CRMP1: variants seen among roughly 807,000 people sequenced by gnomAD.
CRMP1 encodes the protein dihydropyrimidinase-related protein 1.
A neutral mutation model predicts 68.3 loss-of-function variants in CRMP1; 19 were observed. The observed-to-expected ratio is 0.28, with a 90% CI of 0.19 to 0.41. The LOEUF is 0.41. Among genes scored for constraint, CRMP1 ranks in the 10% least tolerant of loss-of-function variants. The probability of loss-of-function intolerance (pLI) is 1.00; values close to 1 mark genes in which losing one functional copy is unlikely to be tolerated. For synonymous variants in CRMP1, 439 were observed against 399.6 expected (o/e 1.10, Z -1.18); for missense variants, 791 against 967.4 (o/e 0.82, Z 2.42).
At position 5,879,972 on chromosome 4, in the gene CRMP1, A is replaced by G. The variant is rs1715123445; in HGVS notation, c.381+12617T>C. On this transcript the variant is annotated intron_variant, in intron 1 of 13. Coordinates refer to ENST00000324989, the MANE Select transcript of CRMP1 (RefSeq NM_001014809.3). This position sits in a 1 kb window ranked among gnomAD's most constrained non-coding sequence, Gnocchi z 4.2. The stretch of plus-strand genomic sequence containing the variant: ...AAGAATTGGAGTGGTTTTGGAAAAG[A>G]GAAGGTCCTAAGTAATGGAGAAACA... 6.6e-6 allele frequency among the ~76,000 whole-genome samples: 1 copy of G among 152,228 alleles called. No individual in the cohort carries two copies. Among genetic ancestry groups the G allele is most frequent in the Non-Finnish European group, 1.5e-5 (1 of 68,044 alleles).
Position 5,892,568 on chromosome 4 carries a change from CCG to C in CRMP1, c.381+19_381+20del. The C allele has an allele frequency of 8.5e-7, 1 of 1,174,060 alleles. No individual in the cohort carries two copies. Among genetic ancestry groups the C allele is most frequent in the Non-Finnish European group, 1.1e-6 (1 of 950,530 alleles). The allele number at this position is 1,174,060 out of a possible 1,614,324, so 72.7% of individuals were successfully genotyped here. ...CCGGGGCCCGCCCCCCTCGTCTGGC[CCG>C]CGCGCGCCCCGAGGGTACCTGGCCA... On this transcript the variant is annotated intron_variant, in intron 1 of 13. Transcript: ENST00000324989. The surrounding 1 kb of genome is among the most constrained non-coding windows in gnomAD (Gnocchi z 8.6).
chr4:5,822,258 G>A (rs989481541), intron 13 of CRMP1, among the ~76,000 whole-genome samples: 9 of 152,220 alleles, frequency 5.9e-5, no homozygotes, highest in Admixed American at 1.3e-4. Context: ...TGAGCAATTT[G>A]AGGTTCAGGC....
chr4:5,854,056 C>A lies in CRMP1; in HGVS notation c.820+2087G>T, dbSNP rs574487651. 4.5e-4 allele frequency among the ~76,000 whole-genome samples: 69 copies of A among 152,354 alleles called. No individual in the cohort carries two copies. Among genetic ancestry groups the A allele is most frequent in the South Asian group, 1.0e-3 (5 of 4,830 alleles). ...CCAGTGTCTTTCCCTACAAACTCCACTGCCACTCCAGAGACCCTCCCATCT... is the reference window on the plus strand; with the variant it reads ...CCAGTGTCTTTCCCTACAAACTCCAATGCCACTCCAGAGACCCTCCCATCT... On this transcript the variant is annotated intron_variant, in intron 4 of 13. Transcript: ENST00000324989. The surrounding 1 kb of genome is among the most constrained non-coding windows in gnomAD (Gnocchi z 4.0).
intron 1 of CRMP1, among the ~76,000 whole-genome samples, chr4:5,878,115 A>G (rs772933560): frequency 6.6e-6 from 1 of 152,206 alleles, no homozygotes; most frequent in African/African-American, 2.4e-5. Context: ...AAAAGTGGGA[A>G]TAAGTATGAC....
Position 5,879,934 on chromosome 4 carries a change from T to C in CRMP1, c.381+12655A>G, listed in dbSNP as rs143936702. On this transcript the variant is annotated intron_variant, in intron 1 of 13. Transcript: ENST00000324989. The surrounding 1 kb of genome is among the most constrained non-coding windows in gnomAD (Gnocchi z 4.2). ...CTAACACCGTATGCGGAAATCATGA[T>C]AGAGGAGGAATAAAGAATTGGAGTG... is the stretch of plus-strand genomic sequence containing the variant. 5.6e-4 allele frequency among the ~76,000 whole-genome samples: 85 copies of C among 151,722 alleles called. No homozygotes were observed. In the East Asian group the frequency reaches 0.011, roughly 20 times the overall value.
rs1342633612 is a variant in CRMP1, at chr4:5,838,135, TCA to T, written c.1311-1231_1311-1230del. 1.3e-5 allele frequency among the ~76,000 whole-genome samples: 2 copies of T among 152,030 alleles called. No homozygotes were observed. The highest frequency in any genetic ancestry group is 2.9e-5 in the Non-Finnish European group (2 of 68,002). On this transcript the variant is annotated intron_variant, in intron 9 of 13. Coordinates refer to ENST00000324989, the MANE Select transcript of CRMP1 (RefSeq NM_001014809.3). The surrounding 1 kb of genome is among the most constrained non-coding windows in gnomAD (Gnocchi z 4.9). ...CCTTCTAGCAAAGATCTGAAGGAAG[TCA>T]CAGAGCAAACCATGTGGCGTCTAAG...
Position 5,822,638 on chromosome 4 carries a change from G to A in CRMP1, c.1970-787C>T, listed in dbSNP as rs556680345. Among the ~76,000 whole-genome samples, 5 of 152,278 alleles carry A rather than the reference G, an allele frequency of 3.3e-5. No homozygotes were observed. The South Asian group carries it at 1.0e-3, about 32-fold the overall frequency. On this transcript the variant is annotated intron_variant, in intron 13 of 13. Coordinates refer to ENST00000324989, the MANE Select transcript of CRMP1 (RefSeq NM_001014809.3). The stretch of plus-strand genomic sequence containing the variant: ...GGAGCTCAACAAATATTTATTAAAT[G>A]AGTAAATCATGAAGGGTGGATAATG...
rs148421876 is a variant in CRMP1 at position 5,860,933 on chromosome 4, G to A, written c.655+93C>T. 1.2e-4 allele frequency: 163 copies of A among 1,311,986 alleles called. No homozygotes were observed. The East Asian group carries it at 3.8e-3, about 30-fold the overall frequency. 81.3% of individuals were successfully genotyped at this position (1,311,986 alleles called of 1,614,324 possible). A position where few individuals can be genotyped will look rare whatever the true frequency, so the allele number is the denominator to read the frequency against. ...ATGAAATCCAATGGCACCCTGGGCA[G>A]AGAGCCTCGAACACACTGAGCACTT... On this transcript the variant is annotated intron_variant, in intron 3 of 13. Transcript: ENST00000324989. The surrounding 1 kb of genome is among the most constrained non-coding windows in gnomAD (Gnocchi z 4.2).
intron 11 of CRMP1, among the ~76,000 whole-genome samples, chr4:5,833,159 CTTTTTTTTTTTT>C (rs1160531301): frequency 2.4e-5 from 2 of 84,636 alleles, no homozygotes; most frequent in Non-Finnish European, 4.3e-5. Context: ...CCTTCCAGAA[CTTTTTTTTTTTT>C]TTTTTTTTTT....
chr4:5,887,355 T>C, intron 1 of CRMP1: 1 of 985,462 alleles, frequency 1.0e-6, no homozygotes, highest in East Asian at 1.1e-4. Flanking sequence ...ACGCCCAGAA[T>C]CCCGCCTCCC....
rs571928519 is a variant in CRMP1, at chr4:5,828,158, C to T, written c.1803+331G>A. The T allele has an allele frequency of 1.1e-4, 112 of 985,426 alleles. No individual in the cohort carries two copies. In the African/African-American group the frequency reaches 1.8e-3, roughly 15 times the overall value. 61.0% of individuals were successfully genotyped at this position (985,426 alleles called of 1,614,324 possible). On this transcript the variant is annotated intron_variant, in intron 12 of 13. Transcript: ENST00000324989. Reference sequence around the variant, plus strand: ...GGGCTGCAAAAGGAGGATCACAGCACCTCCCGTGGGTGGGCAGGATTACTT... The same window carrying T: ...GGGCTGCAAAAGGAGGATCACAGCATCTCCCGTGGGTGGGCAGGATTACTT...
In CRMP1 at chr4:5,872,642, G is replaced by A. The variant is rs906296706; in HGVS notation, c.382-5886C>T. Among the ~76,000 whole-genome samples, 2 of 152,266 alleles carry A rather than the reference G, an allele frequency of 1.3e-5. No homozygotes were observed. The highest frequency in any genetic ancestry group is 2.9e-5 in the Non-Finnish European group (2 of 68,014). On this transcript the variant is annotated intron_variant, in intron 1 of 13. Transcript: ENST00000324989. The surrounding 1 kb of genome is among the most constrained non-coding windows in gnomAD (Gnocchi z 4.6). ...GCGGAGGTTGCAGTGAGCTGAGATCGCACCGCTGCAGTCCAGCCTGGGCAA... is the reference window on the plus strand; with the variant it reads ...GCGGAGGTTGCAGTGAGCTGAGATCACACCGCTGCAGTCCAGCCTGGGCAA...
rs1341257498 is a variant in CRMP1 at position 5,881,234 on chromosome 4, A to C, written c.381+11355T>G. Among the ~76,000 whole-genome samples the C allele has an allele frequency of 6.6e-6, 1 of 152,116 alleles. No individual in the cohort carries two copies. The highest frequency in any genetic ancestry group is 2.4e-5 in the African/African-American group (1 of 41,412). Reference sequence around the variant, plus strand: ...AGCTGCTTGCTCTTGTTTTCTAGACAACTTCTCTATGAAGCATCCAAGATC... The same window carrying C: ...AGCTGCTTGCTCTTGTTTTCTAGACCACTTCTCTATGAAGCATCCAAGATC... On this transcript the variant is annotated intron_variant, in intron 1 of 13. Transcript: ENST00000324989. The surrounding 1 kb of genome is among the most constrained non-coding windows in gnomAD (Gnocchi z 4.6).
chr4:5,824,574 A>C, intron 13 of CRMP1: 1 of 973,446 alleles, frequency 1.0e-6, no homozygotes, highest in Non-Finnish European at 1.2e-6. Context: ...GGGTCCATTG[A>C]CCAAATCCGG....
intron 1 of CRMP1, among the ~76,000 whole-genome samples, chr4:5,876,056 G>A (rs565258504): frequency 1.6e-4 from 24 of 151,968 alleles, no homozygotes; most frequent in Non-Finnish European, 3.2e-4. Context: ...GGGAGGCTGA[G>A]GCAGGAAAAT....
At chr4:5,822,875 C>A (rs1718892155) in intron 13 of CRMP1, among the ~76,000 whole-genome samples, 1 of 152,246 alleles carries the variant, frequency 6.6e-6, no homozygotes, top group African/African-American at 2.4e-5. Flanking sequence ...ATTATCAGTA[C>A]TGCACAAAGC....
Position 5,858,114 on chromosome 4 carries a change from CTCCT to C in CRMP1, c.656-1811_656-1808del, listed in dbSNP as rs531088879. ...CTCTCAGGGCACAGAGAGTCCCTCC[CTCCT>C]TCCTTAAACTCGCTTCTCTCCAGCT... On this transcript the variant is annotated intron_variant, in intron 3 of 13. Coordinates refer to ENST00000324989, the MANE Select transcript of CRMP1 (RefSeq NM_001014809.3). The surrounding 1 kb of genome is among the most constrained non-coding windows in gnomAD (Gnocchi z 5.5). 1.4e-4 allele frequency among the ~76,000 whole-genome samples: 22 copies of C among 152,272 alleles called. 1 individual carries two copies. In the East Asian group the frequency reaches 4.3e-3, roughly 30 times the overall value.
intron 3 of CRMP1, 62 bp from the exon 4 acceptor site, chr4:5,856,369 C>A: frequency 1.4e-6 from 2 of 1,472,620 alleles, no homozygotes; most frequent in Non-Finnish European, 1.9e-6. Flanking sequence ...GTAGCCACAT[C>A]ATTACCACTA....
At chr4:5,822,659 T>C (rs951966960) in intron 13 of CRMP1, among the ~76,000 whole-genome samples, 6 of 152,166 alleles carry the variant, frequency 3.9e-5, no homozygotes, top group African/African-American at 1.4e-4. Context: ...GAAGGGTGGA[T>C]AATGCTGAAA....
Sources: gnomAD v4.1 joint callset for allele counts (sites outside exome capture counted in the v4.1 genomes callset) on GRCh38, gnomAD v4.1.1 for gene constraint, Gnocchi (gnomAD v3.1) non-coding constraint, MANE v1.5 for transcripts, NCBI Gene and HGNC (gene_info 2026-07-23, HGNC 2026-07-21) for gene names.